Variants in ENOX1 observed in about 807,000 individuals in gnomAD.
The protein encoded by ENOX1 is candidate growth-related and time keeping constitutive hydroquinone (NADH) oxidase.
Under a neutral mutation model 82.5 loss-of-function variants are expected in ENOX1, and 42 were observed. That is an observed-to-expected ratio of 0.51 (90% CI 0.40 to 0.66). ENOX1 has a LOEUF of 0.66. Among genes scored for constraint, ENOX1 ranks in the 30% least tolerant of loss-of-function variants. ENOX1 has a pLI of 0.00. For missense variants in ENOX1, 608 were observed against 811.6 expected (o/e 0.75, Z 3.05); for synonymous variants, 271 against 282.2 (o/e 0.96, Z 0.40).
intron 2 of ENOX1, among the ~76,000 whole-genome samples, chr13:43,490,793 T>G (rs1057006457): frequency 6.6e-6 from 1 of 152,216 alleles, no homozygotes; most frequent in Admixed American, 6.5e-5. Context: ...AAACAAATTT[T>G]TATGCTTTAT....
At position 43,359,810 on chromosome 13, in the gene ENOX1, T is replaced by C. The variant is rs777767408; in HGVS notation, c.589+41A>G. 4.4e-6 allele frequency: 7 copies of C among 1,575,154 alleles called. No homozygotes were observed. The South Asian group carries it at 5.6e-5, about 12-fold the overall frequency. Reference sequence around the variant, plus strand: ...AAGCTCATATTAACATCACAAAACATAACAAAATGCCTAGAAAACTCCTTA... The same window carrying C: ...AAGCTCATATTAACATCACAAAACACAACAAAATGCCTAGAAAACTCCTTA... On this transcript the variant is annotated intron_variant, in intron 7 of 16. Transcript: ENST00000690772.
intron 3 of ENOX1, among the ~76,000 whole-genome samples, chr13:43,415,146 G>T (rs1056028985): frequency 1.4e-5 from 2 of 147,840 alleles, no homozygotes; most frequent in Non-Finnish European, 3.0e-5. Context: ...CTGTTGGCAA[G>T]ATGTGGTGTA....
intron 1 of ENOX1, among the ~76,000 whole-genome samples, chr13:43,756,984 A>C (rs1249242638): frequency 9.5e-5 from 13 of 136,360 alleles, no homozygotes; most frequent in African/African-American, 2.7e-4. Context: ...AAAAAAAAAA[A>C]AAAAAAAAAA....
intron 11 of ENOX1, among the ~76,000 whole-genome samples, chr13:43,311,987 A>G (rs1158892852): frequency 1.3e-5 from 2 of 152,210 alleles, no homozygotes; most frequent in African/African-American, 4.8e-5. Flanking sequence ...TCACTACAAG[A>G]AAAATAAAAT....
chr13:43,630,860 T>TACACACACACACACACAC (rs373900524), intron 2 of ENOX1, among the ~76,000 whole-genome samples: 11 of 147,708 alleles, frequency 7.4e-5, no homozygotes, highest in Admixed American at 3.4e-4. Flanking sequence ...TATATATATA[T>TACACACACACACACACAC]ACACACACAC....
At chr13:43,695,190 G>A (rs778845791) in intron 1 of ENOX1, among the ~76,000 whole-genome samples, 115 of 151,872 alleles carry the variant, frequency 7.6e-4, no homozygotes, top group Non-Finnish European at 1.3e-3. Context: ...CACCTGATGT[G>A]AACTGCATGC....
chr13:43,330,905 A>T (rs2048376339), intron 9 of ENOX1, among the ~76,000 whole-genome samples: 1 of 152,172 alleles, frequency 6.6e-6, no homozygotes, highest in South Asian at 2.1e-4. Context: ...AACCCATAAG[A>T]CTAATTTAAC....
At chr13:43,483,215 C>A (rs2058574252) in intron 3 of ENOX1, among the ~76,000 whole-genome samples, 1 of 152,168 alleles carries the variant, frequency 6.6e-6, no homozygotes, top group Non-Finnish European at 1.5e-5. Context: ...TAGTTTTCAT[C>A]CACTCAATGT....
At chr13:43,470,915 T>C (rs2058041180) in intron 3 of ENOX1, among the ~76,000 whole-genome samples, 1 of 152,078 alleles carries the variant, frequency 6.6e-6, no homozygotes. Context: ...TCACATTTTG[T>C]TGGTGGGAAT....
At chr13:43,675,001 A>T (rs1175589116) in intron 1 of ENOX1, among the ~76,000 whole-genome samples, 1 of 152,242 alleles carries the variant, frequency 6.6e-6, no homozygotes, top group Non-Finnish European at 1.5e-5. Flanking sequence ...CAAGGTAACC[A>T]GCAGAGTGGC....
intron 9 of ENOX1, among the ~76,000 whole-genome samples, chr13:43,341,267 G>A (rs572544877): frequency 3.2e-4 from 49 of 151,086 alleles, no homozygotes; most frequent in Non-Finnish European, 5.9e-4. Context: ...CTGTACTCCA[G>A]CCTGGGTGAC....
rs777049635 is a variant in ENOX1, at chr13:43,359,917, T to C, written c.523A>G (p.Lys175Glu). Reference sequence around the variant, plus strand: ...AAGCGAATGTGACAAAAATTCTTCTTGCTTTTCCGAATTGCTGTAATATCA... The same window carrying C: ...AAGCGAATGTGACAAAAATTCTTCTCGCTTTTCCGAATTGCTGTAATATCA... The part of the protein sequence containing the change: ...CGDITAIRKS[K>E]KNFCHIRFAE... The change falls in exon 7 of 17, where the codon AAG becomes GAG. Residue 175 changes from lysine (K) to glutamate (E), a missense_variant. Lys to Glu is a moderately conservative substitution (Grantham distance 56, BLOSUM62 1). Transcript: ENST00000690772. 4 of 1,614,252 alleles carry C rather than the reference T, an allele frequency of 2.5e-6. No individual in the cohort carries two copies. The highest frequency in any genetic ancestry group is 3.4e-6 in the Non-Finnish European group (4 of 1,180,040).
intron 5 of ENOX1, among the ~76,000 whole-genome samples, chr13:43,367,416 G>A (rs956941555): frequency 1.3e-5 from 2 of 152,150 alleles, no homozygotes; most frequent in Non-Finnish European, 2.9e-5. Context: ...GATTAGGGTA[G>A]GCATGATCTA....
At chr13:43,409,670 T>C (rs1339056363) in intron 5 of ENOX1, among the ~76,000 whole-genome samples, 2 of 152,200 alleles carry the variant, frequency 1.3e-5, no homozygotes, top group African/African-American at 2.4e-5. Context: ...GTAGAATGGT[T>C]AAGTAATCTA....
intron 3 of ENOX1, among the ~76,000 whole-genome samples, chr13:43,467,761 A>C (rs1427978800): frequency 6.6e-6 from 1 of 152,170 alleles, no homozygotes; most frequent in African/African-American, 2.4e-5. Flanking sequence ...ATTTATACCT[A>C]TGTTTCCTTA....
chr13:43,670,629 G>A (rs1010863694), intron 1 of ENOX1, among the ~76,000 whole-genome samples: 5 of 152,098 alleles, frequency 3.3e-5, no homozygotes, highest in African/African-American at 9.7e-5. Context: ...TGAGGCAGGT[G>A]GATCACTTGA....
At position 43,669,381 on chromosome 13, in the gene ENOX1, T is replaced by C. The variant is rs558548973; in HGVS notation, c.-284-1837A>G. ...CCATCTCCTTCCCCCTCACTTATTC[T>C]TGTGATTTCTCTGACTCATTTTCCT... On this transcript the variant is annotated intron_variant, in intron 1 of 16. Transcript: ENST00000690772. Among the ~76,000 whole-genome samples, 401 of 152,236 alleles carry C rather than the reference T, an allele frequency of 2.6e-3. 4 individuals carry two copies. The highest frequency in any genetic ancestry group is 9.3e-3 in the African/African-American group (388 of 41,546).
At chr13:43,223,982 AG>A (rs1184797870) in intron 16 of ENOX1, 70 bp downstream of exon 16, 1 of 1,142,792 alleles carries the variant, frequency 8.8e-7, no homozygotes, top group Non-Finnish European at 1.3e-6. Context: ...GTTCATGCAG[AG>A]TCCACCTGCA....
chr13:43,753,224 T>C (rs146273369), intron 1 of ENOX1, among the ~76,000 whole-genome samples: 248 of 152,252 alleles, frequency 1.6e-3, no homozygotes, highest in African/African-American at 5.2e-3. Flanking sequence ...GGCATTTTGA[T>C]TGGGTTTTTG....
Sources: allele counts gnomAD v4.1 joint callset (sites outside exome capture counted in the v4.1 genomes callset), GRCh38; gene constraint gnomAD v4.1.1; transcripts MANE v1.5; gene names NCBI Gene and HGNC (gene_info 2026-07-23, HGNC 2026-07-21).